Variants in JAK2 observed in about 807,000 individuals in gnomAD.
The protein encoded by JAK2 is tyrosine-protein kinase JAK2.
A neutral mutation model predicts 139.3 loss-of-function variants in JAK2; 86 were observed. That is an observed-to-expected ratio of 0.62 (90% confidence interval 0.52 to 0.74). The LOEUF is 0.74. JAK2 is among the 30% of genes least tolerant of loss of function. The pLI is 0.00. For synonymous variants in JAK2, 490 were observed against 437.7 expected (o/e 1.12, Z -1.49); for missense variants, 1,421 against 1,360.3 (o/e 1.04, Z -0.70).
At position 5,065,032 on chromosome 9, in the gene JAK2, C is replaced by T. The variant is rs1818470577; in HGVS notation, c.1206C>T (p.Gly402=). The T allele has an allele frequency of 6.3e-7, 1 of 1,580,134 alleles. No individual in the cohort carries two copies. The highest frequency in any genetic ancestry group is 1.4e-5 in the African/African-American group (1 of 73,376). ...VLENIQSNCH[G]PISMDFAISK... is the part of the protein sequence containing the mutation. ...AAAATATACAAAGCAACTGTCATGG[C>T]CCAATTTCGTGAGTAATACAGACTT... The change falls in exon 9 of 25, where the codon GGC becomes GGT. Residue 402 remains glycine, a synonymous_variant. Coordinates refer to ENST00000381652, the MANE Select transcript of JAK2 (RefSeq NM_004972.4).
chr9:5,019,253 T>C (rs1462815007), intron 2 of JAK2, among the ~76,000 whole-genome samples: 8 of 152,154 alleles, frequency 5.3e-5, no homozygotes, highest in Admixed American at 5.2e-4. Flanking sequence ...TCTTTTTTCT[T>C]TATTTTTGTC....
intron 2 of JAK2, among the ~76,000 whole-genome samples, chr9:5,008,566 G>T (rs951589901): frequency 6.6e-6 from 1 of 152,088 alleles, no homozygotes; most frequent in African/African-American, 2.4e-5. Flanking sequence ...TCTAAAGAGG[G>T]ACCAATCTGA....
intron 2 of JAK2, among the ~76,000 whole-genome samples, chr9:5,010,620 G>T (rs972478262): frequency 2.0e-5 from 3 of 152,148 alleles, no homozygotes; most frequent in African/African-American, 7.2e-5. Context: ...ACGCCTGGCT[G>T]TCAGTTGCCT....
chr9:5,029,559 A>G (rs1404391021), intron 3 of JAK2, among the ~76,000 whole-genome samples: 2 of 152,216 alleles, frequency 1.3e-5, no homozygotes, highest in African/African-American at 4.8e-5. Context: ...ATATCTGCAA[A>G]GTACAATAAT....
At position 4,995,637 on chromosome 9, in the gene JAK2, T is replaced by G. The variant is rs545376290; in HGVS notation, c.-26+9615T>G. 3.3e-5 allele frequency among the ~76,000 whole-genome samples: 5 copies of G among 152,352 alleles called. No individual in the cohort carries two copies. The South Asian group carries it at 1.0e-3, about 32-fold the overall frequency. Reference sequence around the variant, plus strand: ...AACCATATTGTGAGTTCTTGGGTAGTGAACATTTCTATTTATTTGTTTCCA... The same window carrying G: ...AACCATATTGTGAGTTCTTGGGTAGGGAACATTTCTATTTATTTGTTTCCA... On this transcript the variant is annotated intron_variant, in intron 2 of 24. Coordinates refer to ENST00000381652, the MANE Select transcript of JAK2 (RefSeq NM_004972.4).
intron 22 of JAK2, chr9:5,114,305 C>G: frequency 1.8e-6 from 1 of 542,528 alleles, no homozygotes; most frequent in Admixed American, 2.2e-5. Flanking sequence ...TGACTTGGTC[C>G]CAGGCCAGTG....
intron 4 of JAK2, among the ~76,000 whole-genome samples, chr9:5,036,850 G>C (rs757127901): frequency 6.6e-6 from 1 of 151,992 alleles, no homozygotes; most frequent in African/African-American, 2.4e-5. Context: ...ACAAAAGCCA[G>C]AATTGACAAA....
Position 5,128,433 on chromosome 9 carries a change from A to C in JAK2, c.*1642A>C, listed in dbSNP as rs1824144248. The stretch of plus-strand genomic sequence containing the variant: ...CTCCTCAAGGATTTGTATATGCAAC[A>C]CAGTAAGGAGATCTTCCATTTTACT... On this transcript the variant is annotated 3_prime_UTR_variant, in exon 25 of 25. Transcript: ENST00000381652. 6.6e-6 allele frequency among the ~76,000 whole-genome samples: 1 copy of C among 151,826 alleles called. No individual in the cohort carries two copies. The highest frequency in any genetic ancestry group is 1.5e-5 in the Non-Finnish European group (1 of 67,724).
intron 2 of JAK2, among the ~76,000 whole-genome samples, chr9:4,995,105 G>T (rs771817668): frequency 3.3e-5 from 5 of 152,126 alleles, no homozygotes; most frequent in Non-Finnish European, 7.4e-5. Flanking sequence ...CAGATGACTT[G>T]ATTGTTGCCA....
At chr9:5,047,529 T>A (rs776558106) in intron 5 of JAK2, among the ~76,000 whole-genome samples, 3 of 152,260 alleles carry the variant, frequency 2.0e-5, no homozygotes, top group Non-Finnish European at 4.4e-5. Flanking sequence ...GTTTACCTCA[T>A]GTTCTTGGCA....
chr9:5,000,033 T>C (rs1410503211), intron 2 of JAK2, among the ~76,000 whole-genome samples: 1 of 152,246 alleles, frequency 6.6e-6, no homozygotes, highest in Non-Finnish European at 1.5e-5. Context: ...TCTCTGATTC[T>C]TAATTATGTT....
At chr9:5,020,409 C>T (rs765020518) in intron 2 of JAK2, among the ~76,000 whole-genome samples, 2 of 152,122 alleles carry the variant, frequency 1.3e-5, no homozygotes, top group African/African-American at 2.4e-5. Context: ...TCAGGCCCTC[C>T]AGTGGTGTTA....
At chr9:5,116,106 C>T (rs752971098) in intron 22 of JAK2, among the ~76,000 whole-genome samples, 15 of 151,870 alleles carry the variant, frequency 9.9e-5, no homozygotes, top group Non-Finnish European at 2.1e-4. Context: ...TTACATTGGG[C>T]TAAATGCATT....
intron 4 of JAK2, among the ~76,000 whole-genome samples, chr9:5,042,792 G>C (rs760765130): frequency 1.3e-5 from 2 of 152,216 alleles, no homozygotes; most frequent in Non-Finnish European, 2.9e-5. Context: ...CAAAACTAAA[G>C]GGGAACGGAG....
At chr9:5,113,421 A>AT (rs370002175) in intron 22 of JAK2, 1,133 of 103,408 alleles carry the variant, frequency 0.011, 37 homozygotes, top group Non-Finnish European at 0.015. Context: ...AACATTAGTT[A>AT]TTTAAAAAAA....
chr9:5,055,825 T>C (rs937821556), intron 8 of JAK2, 37 bp downstream of exon 8: 1 of 1,563,912 alleles, frequency 6.4e-7, no homozygotes, highest in Non-Finnish European at 8.8e-7. Flanking sequence ...GGTTTCATTT[T>C]ATAGTTCTCA....
intron 8 of JAK2, among the ~76,000 whole-genome samples, chr9:5,062,647 A>G (rs895979290): frequency 1.4e-4 from 21 of 152,118 alleles, no homozygotes; most frequent in Non-Finnish European, 1.5e-4. Flanking sequence ...AATATTTACA[A>G]CTTTGATAGA....
At chr9:5,073,928 C>T (rs1819139274) in intron 14 of JAK2, 143 bp downstream of exon 14, 2 of 605,598 alleles carry the variant, frequency 3.3e-6, no homozygotes, top group Admixed American at 3.0e-5. Context: ...ACTGAAAACA[C>T]TGTAGGACTA....
chr9:5,050,544 T>G, intron 5 of JAK2, 142 bp from the exon 6 acceptor site: 1 of 764,454 alleles, frequency 1.3e-6, no homozygotes, highest in Non-Finnish European at 2.0e-6. Context: ...GTTCTGGGAT[T>G]ACAGGCATGA....
Sources: gnomAD v4.1 joint callset for allele counts (sites outside exome capture counted in the v4.1 genomes callset) on GRCh38, gnomAD v4.1.1 for gene constraint, MANE v1.5 for transcripts, NCBI Gene and HGNC (gene_info 2026-07-23, HGNC 2026-07-21) for gene names.